Variants in ARSJ observed in about 807,000 individuals in gnomAD.
ARSJ encodes arylsulfatase family member J.
Under a neutral mutation model 35.9 loss-of-function variants are expected in ARSJ, and 26 were observed. That is an observed-to-expected ratio of 0.72 (90% CI 0.53 to 1.00). The LOEUF (loss-of-function observed/expected upper bound fraction) is 1.00, where lower values mean the gene tolerates loss of function less well. Ranked by LOEUF, ARSJ falls within the 50% of genes least tolerant of loss-of-function variation. ARSJ has a pLI of 0.00. For synonymous variants in ARSJ, 294 were observed against 267.6 expected (o/e 1.10, Z -0.96); for missense variants, 667 against 723.6 (o/e 0.92, Z 0.90).
intron 1 of ARSJ, among the ~76,000 whole-genome samples, chr4:113,962,537 C>A (rs1018041733): frequency 1.3e-4 from 19 of 146,734 alleles, no homozygotes; most frequent in African/African-American, 4.5e-4. Context: ...TTGTCCTTGA[C>A]TCCTCCTTTT....
Position 113,902,422 on chromosome 4 carries a change from C to T in ARSJ, c.1652G>A (p.Trp551Ter), listed in dbSNP as rs766338286. 2 of 1,613,982 alleles carry T rather than the reference C, an allele frequency of 1.2e-6. No individual in the cohort carries two copies. Among genetic ancestry groups the T allele is most frequent in the Admixed American group, 1.7e-5 (1 of 59,996 alleles). The change falls in exon 2 of 2, where the codon TGG (tryptophan) becomes TAG (stop). Residue 551 changes from tryptophan to a stop codon, truncating the protein, a stop_gained. Coordinates refer to ENST00000315366, the MANE Select transcript of ARSJ (RefSeq NM_024590.4). LOFTEE classifies it low-confidence loss of function (END_TRUNC). ...RSNPRLNGGVWGPWYKEETKK... is the reference protein window; with the variant it reads ...RSNPRLNGGV ...GGTTTCCTCTTTATACCATGGTCCC[C>T]AGACCCCTCCATTGAGCCTAGGGTT...
At chr4:113,953,462 T>C (rs539206851) in intron 1 of ARSJ, among the ~76,000 whole-genome samples, 2 of 152,252 alleles carry the variant, frequency 1.3e-5, no homozygotes, top group African/African-American at 4.8e-5. Flanking sequence ...ATGAATACTT[T>C]GTAAACATAA....
Position 113,902,023 on chromosome 4 carries a change from T to G in ARSJ, c.*251A>C. 1 of 1,157,218 alleles carries G rather than the reference T, an allele frequency of 8.6e-7. No individual in the cohort carries two copies. The highest frequency in any genetic ancestry group is 1.2e-6 in the Non-Finnish European group (1 of 849,212). 71.7% of individuals were successfully genotyped at this position (1,157,218 alleles called of 1,614,324 possible). On this transcript the variant is annotated 3_prime_UTR_variant, in exon 2 of 2. Coordinates refer to ENST00000315366, the MANE Select transcript of ARSJ (RefSeq NM_024590.4). The stretch of plus-strand genomic sequence containing the variant: ...AGTGGAACTCAGGACTCACCACGTT[T>G]TCTAAAGGAGCAAGAGAAATAAACA...
intron 1 of ARSJ, among the ~76,000 whole-genome samples, chr4:113,929,356 G>C (rs1724280540): frequency 6.6e-6 from 1 of 152,072 alleles, no homozygotes; most frequent in Non-Finnish European, 1.5e-5. Context: ...CTCAGGGGAG[G>C]CCATCACTGT....
At chr4:113,944,231 T>C (rs1460852910) in intron 1 of ARSJ, 1 of 152,066 alleles carries the variant, frequency 6.6e-6, no homozygotes, top group African/African-American at 2.4e-5. Context: ...TGAATCTGTA[T>C]GGATCTATGT....
chr4:113,947,521 AGAGG>A (rs951308875), intron 1 of ARSJ, among the ~76,000 whole-genome samples: 44 of 129,360 alleles, frequency 3.4e-4, no homozygotes, highest in South Asian at 2.6e-3. Flanking sequence ...AAAGAGAGAG[AGAGG>A]GAGGGAGGGA....
At chr4:113,921,232 C>T (rs1329646627) in intron 1 of ARSJ, among the ~76,000 whole-genome samples, 1 of 151,954 alleles carries the variant, frequency 6.6e-6, no homozygotes, top group Non-Finnish European at 1.5e-5. Context: ...AGAAAAGAAT[C>T]TTGCTGACAT....
intron 1 of ARSJ, among the ~76,000 whole-genome samples, chr4:113,918,930 C>A (rs1385444347): frequency 6.6e-6 from 1 of 152,022 alleles, no homozygotes; most frequent in Non-Finnish European, 1.5e-5. Context: ...GTAGCTGATA[C>A]TAAGCGCGCA....
intron 1 of ARSJ, among the ~76,000 whole-genome samples, chr4:113,969,302 C>T (rs1474909769): frequency 6.6e-6 from 1 of 152,122 alleles, no homozygotes; most frequent in Non-Finnish European, 1.5e-5. Context: ...CTAACAATAT[C>T]ATGCAGAACA....
At position 113,900,757 on chromosome 4, in the gene ARSJ, A is replaced by C. The variant is rs773402042; in HGVS notation, c.*1517T>G. ...AAACACCAGGGTCTACAGGATCCAC[A>C]CCAATCTATGCTCATTGATGACCCA... On this transcript the variant is annotated 3_prime_UTR_variant, in exon 2 of 2. Coordinates refer to ENST00000315366, the MANE Select transcript of ARSJ (RefSeq NM_024590.4). 4 of 152,190 alleles carry C rather than the reference A, an allele frequency of 2.6e-5. No individual in the cohort carries two copies. The East Asian group carries it at 5.8e-4, about 22-fold the overall frequency. The allele number at this position is 152,190 out of a possible 1,614,324, so 9.4% of individuals were successfully genotyped here. A position where few individuals can be genotyped will look rare whatever the true frequency, so the allele number is the denominator to read the frequency against.
intron 1 of ARSJ, among the ~76,000 whole-genome samples, chr4:113,908,808 AT>A (rs1165181905): frequency 6.6e-6 from 1 of 152,120 alleles, no homozygotes; most frequent in African/African-American, 2.4e-5. Flanking sequence ...TGTAAGTAGA[AT>A]TTCTTTTATT....
intron 1 of ARSJ, among the ~76,000 whole-genome samples, chr4:113,913,511 C>T (rs1723079693): frequency 6.6e-6 from 1 of 151,942 alleles, no homozygotes. Flanking sequence ...TACAAACTAC[C>T]AAATACCTAC....
intron 1 of ARSJ, among the ~76,000 whole-genome samples, chr4:113,912,051 T>C (rs1432725943): frequency 6.6e-6 from 1 of 152,188 alleles, no homozygotes; most frequent in Non-Finnish European, 1.5e-5. Context: ...TGACAAATAG[T>C]GGAATGCAAT....
intron 1 of ARSJ, among the ~76,000 whole-genome samples, chr4:113,942,305 A>G (rs1725207479): frequency 2.6e-5 from 4 of 151,994 alleles, no homozygotes; most frequent in Admixed American, 2.6e-4. Flanking sequence ...CTTCCAGATC[A>G]ATATTTTATA....
intron 1 of ARSJ, among the ~76,000 whole-genome samples, chr4:113,969,537 C>A (rs1157076098): frequency 6.6e-6 from 1 of 151,972 alleles, no homozygotes; most frequent in Non-Finnish European, 1.5e-5. Context: ...ATGTAAAATT[C>A]TCAAAGTACT....
At chr4:113,947,939 A>T (rs893847440) in intron 1 of ARSJ, among the ~76,000 whole-genome samples, 5 of 152,112 alleles carry the variant, frequency 3.3e-5, no homozygotes, top group African/African-American at 1.2e-4. Context: ...CTATAATCCC[A>T]GCACTTTGGG....
At chr4:113,940,414 T>C (rs1725075078) in intron 1 of ARSJ, among the ~76,000 whole-genome samples, 1 of 152,128 alleles carries the variant, frequency 6.6e-6, no homozygotes, top group South Asian at 2.1e-4. Context: ...GTGCATGTTC[T>C]CACTTACAAG....
At chr4:113,939,398 T>C (rs928828143) in intron 1 of ARSJ, among the ~76,000 whole-genome samples, 12 of 151,764 alleles carry the variant, frequency 7.9e-5, no homozygotes, top group Non-Finnish European at 1.5e-4. Context: ...TATAGCAGCA[T>C]GATTTATAGT....
intron 1 of ARSJ, among the ~76,000 whole-genome samples, chr4:113,916,579 C>T (rs948984259): frequency 1.3e-5 from 2 of 152,048 alleles, no homozygotes; most frequent in East Asian, 1.9e-4. Flanking sequence ...TCTTCCTCCC[C>T]CTTCTGCTCT....
Sources: allele counts gnomAD v4.1 joint callset (sites outside exome capture counted in the v4.1 genomes callset), GRCh38; gene constraint gnomAD v4.1.1; transcripts MANE v1.5; gene names NCBI Gene and HGNC (gene_info 2026-07-23, HGNC 2026-07-21).